The following PCED1B variants were observed in gnomAD, a reference collection of about 807,000 sequenced individuals.
PCED1B encodes PC-esterase domain containing 1B, also known as PC-esterase domain-containing protein 1B.
For synonymous variants in PCED1B, 251 were observed against 246.1 expected (o/e 1.02, Z -0.19); for missense variants, 573 against 573.9 (o/e 1.00, Z 0.02).
chr12:47,158,412 T>G (rs1592216463), intron 2 of PCED1B, among the ~76,000 whole-genome samples: 1 of 152,238 alleles, frequency 6.6e-6, no homozygotes, highest in East Asian at 1.9e-4. Flanking sequence ...ATTAGTGAGG[T>G]TGAGCATCTT....
chr12:47,094,421 T>G (rs1262811067), intron 1 of PCED1B, among the ~76,000 whole-genome samples: 1 of 152,188 alleles, frequency 6.6e-6, no homozygotes, highest in Non-Finnish European at 1.5e-5. Context: ...CTGACATCAT[T>G]GGGCTTATAG....
At chr12:47,112,706 A>AC (rs774068496) in intron 2 of PCED1B, among the ~76,000 whole-genome samples, 2 of 152,240 alleles carry the variant, frequency 1.3e-5, no homozygotes, top group Non-Finnish European at 2.9e-5. Flanking sequence ...CTGTAAGGTC[A>AC]CATTATTAGC....
intron 1 of PCED1B, among the ~76,000 whole-genome samples, chr12:47,101,189 A>T (rs901041726): frequency 6.6e-6 from 1 of 152,202 alleles, no homozygotes; most frequent in Non-Finnish European, 1.5e-5. Context: ...ATTACTTGTT[A>T]GGCACATCTT....
intron 2 of PCED1B, among the ~76,000 whole-genome samples, chr12:47,159,430 A>G (rs1474190749): frequency 6.6e-6 from 1 of 152,096 alleles, no homozygotes; most frequent in Non-Finnish European, 1.5e-5. Flanking sequence ...TCTTTTGATA[A>G]TAACTATTCT....
intron 1 of PCED1B, among the ~76,000 whole-genome samples, chr12:47,093,365 T>C (rs1428979314): frequency 6.7e-6 from 1 of 149,430 alleles, no homozygotes; most frequent in Non-Finnish European, 1.5e-5. Context: ...ATTTGTTTTG[T>C]CTATTTTTTT....
At chr12:47,213,505 C>T (rs1232139623) in intron 2 of PCED1B, among the ~76,000 whole-genome samples, 1 of 152,072 alleles carries the variant, frequency 6.6e-6, no homozygotes, top group East Asian at 1.9e-4. Context: ...TGATTTCTGG[C>T]CCTCTTATAG....
At chr12:47,211,803 C>T (rs1203709810) in intron 2 of PCED1B, among the ~76,000 whole-genome samples, 3 of 151,492 alleles carry the variant, frequency 2.0e-5, no homozygotes, top group Non-Finnish European at 4.4e-5. Flanking sequence ...CGGCTGGGCA[C>T]GGTGGCTCAC....
At chr12:47,180,058 C>G (rs1382355763) in intron 2 of PCED1B, among the ~76,000 whole-genome samples, 1 of 152,090 alleles carries the variant, frequency 6.6e-6, no homozygotes, top group Non-Finnish European at 1.5e-5. Context: ...GTATTAAGCC[C>G]AGCATTCATT....
chr12:47,101,394 TTTCAGTAAAATGAATTTCC>T (rs1277373089), intron 1 of PCED1B, among the ~76,000 whole-genome samples: 1 of 152,182 alleles, frequency 6.6e-6, no homozygotes, highest in Non-Finnish European at 1.5e-5. Flanking sequence ...TTCGTTTCTT[TTTCAGTAAAATGAATTTCC>T]TTCAGTGCCT....
chr12:47,089,212 G>A (rs745320825), intron 1 of PCED1B, among the ~76,000 whole-genome samples: 1 of 151,912 alleles, frequency 6.6e-6, no homozygotes, highest in Non-Finnish European at 1.5e-5. Flanking sequence ...GGAGGCCAAG[G>A]CAGGCGGATC....
Position 47,104,904 on chromosome 12 carries a change from G to A in PCED1B, c.-526+709G>A, listed in dbSNP as rs574950569. Among the ~76,000 whole-genome samples, 71 of 152,296 alleles carry A rather than the reference G, an allele frequency of 4.7e-4. 1 individual carries two copies. The highest frequency in any genetic ancestry group is 1.7e-3 in the African/African-American group (69 of 41,568). ...CATGTTCTCCAACTCCCAGGAAGCC[G>A]GCTCGCCCCGGGCTTCCCCAGCCCT... On this transcript the variant is annotated intron_variant, in intron 2 of 3. Coordinates refer to ENST00000546455, the MANE Select transcript of PCED1B (RefSeq NM_138371.3).
intron 2 of PCED1B, among the ~76,000 whole-genome samples, chr12:47,174,301 C>T (rs570200711): frequency 6.6e-6 from 1 of 151,658 alleles, no homozygotes; most frequent in African/African-American, 2.4e-5. Context: ...TCCAGCTACT[C>T]GGGAGGCTGA....
intron 3 of PCED1B, among the ~76,000 whole-genome samples, chr12:47,226,337 G>A (rs1184306070): frequency 6.6e-6 from 1 of 152,136 alleles, no homozygotes; most frequent in South Asian, 2.1e-4. Context: ...AGCTCTTTAA[G>A]TGCCCATTTT....
chr12:47,104,354 A>C (rs1938851371), intron 2 of PCED1B, among the ~76,000 whole-genome samples, 159 bp downstream of exon 2: 1 of 152,236 alleles, frequency 6.6e-6, no homozygotes, highest in Non-Finnish European at 1.5e-5. Context: ...TTGACACTAA[A>C]AGTTTTCTCA....
chr12:47,131,995 C>T (rs1940151304), intron 2 of PCED1B, among the ~76,000 whole-genome samples: 1 of 152,092 alleles, frequency 6.6e-6, no homozygotes, highest in Admixed American at 6.5e-5. Flanking sequence ...TTTAGTTATA[C>T]TTACATAAAA....
Position 47,235,711 on chromosome 12 carries a change from C to T in PCED1B, c.648C>T (p.Phe216=). 6.2e-7 allele frequency: 1 copy of T among 1,612,024 alleles called. No individual in the cohort carries two copies. Among genetic ancestry groups the T allele is most frequent in the East Asian group, 2.2e-5 (1 of 44,820 alleles). The part of the protein sequence containing the change: ...KHNFDVLDLH[F]HFRHARENLH... Reference sequence around the variant, plus strand: ...ACTTCGATGTACTGGACTTGCATTTCCACTTCCGCCACGCGAGGGAGAACC... The same window carrying T: ...ACTTCGATGTACTGGACTTGCATTTTCACTTCCGCCACGCGAGGGAGAACC... The change falls in exon 4 of 4, where the codon TTC becomes TTT. Residue 216 remains phenylalanine (F), a synonymous_variant. Coordinates refer to ENST00000546455, the MANE Select transcript of PCED1B (RefSeq NM_138371.3).
At chr12:47,139,646 T>C (rs1379284524) in intron 2 of PCED1B, among the ~76,000 whole-genome samples, 1 of 152,094 alleles carries the variant, frequency 6.6e-6, no homozygotes, top group Admixed American at 6.6e-5. Context: ...AAAGGGAATG[T>C]ATGTGTGGTA....
At chr12:47,101,690 T>C (rs549877785) in intron 1 of PCED1B, among the ~76,000 whole-genome samples, 1 of 152,296 alleles carries the variant, frequency 6.6e-6, no homozygotes, top group Non-Finnish European at 1.5e-5. Context: ...CTCACACCTG[T>C]AATCCCAGCA....
chr12:47,147,331 T>G (rs1443787679), intron 2 of PCED1B, among the ~76,000 whole-genome samples: 1 of 152,126 alleles, frequency 6.6e-6, no homozygotes, highest in Non-Finnish European at 1.5e-5. Context: ...TGCTCTTAAA[T>G]GTCACCTTCC....
Sources: gnomAD v4.1 joint callset for allele counts (sites outside exome capture counted in the v4.1 genomes callset) on GRCh38, gnomAD v4.1.1 for gene constraint, MANE v1.5 for transcripts, NCBI Gene and HGNC (gene_info 2026-07-23, HGNC 2026-07-21) for gene names.